CDK5RAP2: variants seen among roughly 807,000 people sequenced by gnomAD.
CDK5RAP2 encodes CDK5 regulatory subunit associated protein 2.
A neutral mutation model predicts 232.9 loss-of-function variants in CDK5RAP2; 147 were observed. The observed-to-expected ratio is 0.63, with a 90% CI of 0.55 to 0.72. CDK5RAP2 has a LOEUF of 0.72. CDK5RAP2 is among the 30% of genes least tolerant of loss of function. CDK5RAP2 has a pLI of 0.00. For synonymous variants in CDK5RAP2, 833 were observed against 833.7 expected, an observed-to-expected ratio of 1.00 and a Z score of 0.01; for missense variants, 2,195 against 2,231.5, an observed-to-expected ratio of 0.98 and a Z score of 0.33.
Position 120,419,835 on chromosome 9 carries a change from T to G in CDK5RAP2, c.4130A>C (p.Asp1377Ala), listed in dbSNP as rs1397568182. Residue 1377 changes from aspartate to alanine, a missense_variant, in exon 27 of 38, where the codon GAT becomes GCT. Asp to Ala is a moderately radical substitution (Grantham distance 126). Transcript: ENST00000349780. ...AACTGAAGTCTTCTCTGTCTCATTA[T>G]CTTGCTTCTGGTCTCGTGAGAAGAA... ...KSFFSRDQKQ[D>A]NETEKTSVMV... 15 of 1,613,956 alleles carry G rather than the reference T, an allele frequency of 9.3e-6. No homozygotes were observed. The highest frequency in any genetic ancestry group is 1.2e-5 in the Non-Finnish European group (14 of 1,179,914).
chr9:120,400,967 T>G (rs1014458166), intron 34 of CDK5RAP2, 82 bp from the exon 35 acceptor site: 2 of 1,503,040 alleles, frequency 1.3e-6, no homozygotes, highest in African/African-American at 1.4e-5. Context: ...AGTATAAATC[T>G]CCAGACTGTA....
At chr9:120,513,745 T>A (rs1039643478) in intron 12 of CDK5RAP2, among the ~76,000 whole-genome samples, 17 of 152,244 alleles carry the variant, frequency 1.1e-4, no homozygotes, top group Admixed American at 5.9e-4. Context: ...GTGTTCAATG[T>A]TGCTGAATGT....
At chr9:120,428,784 G>A (rs1288649959) in intron 25 of CDK5RAP2, among the ~76,000 whole-genome samples, 2 of 152,160 alleles carry the variant, frequency 1.3e-5, no homozygotes, top group South Asian at 4.1e-4. Context: ...TGATACCAAA[G>A]CCGGGCAGAG....
intron 32 of CDK5RAP2, chr9:120,406,724 C>A: frequency 4.4e-6 from 2 of 452,868 alleles, no homozygotes; most frequent in Admixed American, 3.7e-5. Context: ...GTGATGCAGG[C>A]AGGACTAAAT....
At position 120,403,036 on chromosome 9, in the gene CDK5RAP2, C is replaced by T. The variant is rs2033167488; in HGVS notation, c.5077G>A (p.Asp1693Asn). 6.2e-7 allele frequency: 1 copy of T among 1,614,158 alleles called. No homozygotes were observed. The highest frequency in any genetic ancestry group is 2.2e-5 in the East Asian group (1 of 44,884). ...ETPPLSGNDT[D>N]SLSCDSGSSA... ...CTGCCACTGTCGCAGGAGAGGGAGT[C>T]CGTGTCATTCCCAGAGAGTGGAGGA... The change falls in exon 34 of 38, where the codon GAC (aspartate) becomes AAC (asparagine). Residue 1693 changes from aspartate to asparagine, a missense_variant. Transcript: ENST00000349780. This position sits in a 1 kb window ranked among gnomAD's most constrained non-coding sequence, Gnocchi z 4.2.
intron 29 of CDK5RAP2, 131 bp downstream of exon 29, chr9:120,411,227 T>G: frequency 1.4e-6 from 1 of 732,212 alleles, no homozygotes; most frequent in African/African-American, 1.7e-5. Context: ...GCTGTGACAA[T>G]TAAATGGTGT....
At chr9:120,425,357 C>A (rs1446950943) in intron 25 of CDK5RAP2, among the ~76,000 whole-genome samples, 1 of 152,182 alleles carries the variant, frequency 6.6e-6, no homozygotes, top group Non-Finnish European at 1.5e-5. Flanking sequence ...GTGGAAACTG[C>A]CCTCACACAG....
intron 12 of CDK5RAP2, among the ~76,000 whole-genome samples, chr9:120,513,285 A>T (rs1404909208): frequency 6.6e-6 from 1 of 152,178 alleles, no homozygotes; most frequent in Non-Finnish European, 1.5e-5. Flanking sequence ...TCCTCTAGAC[A>T]TCCATCAGAC....
chr9:120,426,258 G>C (rs2034894636), intron 25 of CDK5RAP2, among the ~76,000 whole-genome samples: 1 of 152,196 alleles, frequency 6.6e-6, no homozygotes, highest in Non-Finnish European at 1.5e-5. Flanking sequence ...CAAGGTTATG[G>C]ATCATGACAG....
chr9:120,500,854 G>A (rs1042786967), intron 12 of CDK5RAP2, among the ~76,000 whole-genome samples: 1 of 152,136 alleles, frequency 6.6e-6, no homozygotes, highest in African/African-American at 2.4e-5. Flanking sequence ...TTTGCTGGCC[G>A]GTGACTGCTC....
intron 2 of CDK5RAP2, among the ~76,000 whole-genome samples, chr9:120,568,750 G>A (rs1360247196): frequency 3.9e-5 from 6 of 152,106 alleles, no homozygotes; most frequent in Non-Finnish European, 8.8e-5. Flanking sequence ...ACATCTAACT[G>A]ACTTGACAGC....
At position 120,460,567 on chromosome 9, in the gene CDK5RAP2, C is replaced by T. The variant is rs1464332802; in HGVS notation, c.2202+5G>A. On this transcript the variant is annotated splice_donor_5th_base_variant and intron_variant, in intron 19 of 37. Transcript: ENST00000349780. ...GAAATAAGGAGTTAACTGAAAGGTT[C>T]CTACCTCATTACTCTGCTGCAAATG... is the stretch of plus-strand genomic sequence containing the variant. 2.5e-6 allele frequency: 4 copies of T among 1,613,604 alleles called. No homozygotes were observed. In the Admixed American group the frequency reaches 6.7e-5, roughly 27 times the overall value.
chr9:120,445,378 T>C (rs912795715), intron 22 of CDK5RAP2, among the ~76,000 whole-genome samples: 4 of 152,190 alleles, frequency 2.6e-5, no homozygotes, highest in African/African-American at 9.7e-5. Flanking sequence ...CTGAATCCCT[T>C]GAGGTTCGGT....
At chr9:120,544,800 G>C (rs1399156692) in intron 5 of CDK5RAP2, among the ~76,000 whole-genome samples, 3 of 152,162 alleles carry the variant, frequency 2.0e-5, no homozygotes, top group African/African-American at 7.2e-5. Context: ...CTCCATCACT[G>C]TACCTTCCTG....
Position 120,491,435 on chromosome 9 carries a change from C to A in CDK5RAP2, c.1354G>T (p.Glu452Ter). ...EVEKLRNEVN[E>*]REKAMENRYK... Reference sequence around the variant, plus strand: ...CGATTTTCCATTGCTTTCTCTCTTTCATTCACTTCATTGCGTAATTTTTCA... The same window carrying A: ...CGATTTTCCATTGCTTTCTCTCTTTAATTCACTTCATTGCGTAATTTTTCA... The change falls in exon 13 of 38, where the codon GAA becomes TAA. Residue 452 changes from glutamate (E) to a stop codon, truncating the protein, a stop_gained. Coordinates refer to ENST00000349780, the MANE Select transcript of CDK5RAP2 (RefSeq NM_018249.6). LOFTEE classifies it high-confidence loss of function. The A allele has an allele frequency of 6.2e-7, 1 of 1,611,970 alleles. No individual in the cohort carries two copies. Among genetic ancestry groups the A allele is most frequent in the South Asian group, 1.1e-5 (1 of 91,016 alleles).
intron 18 of CDK5RAP2, among the ~76,000 whole-genome samples, chr9:120,465,692 G>C (rs2037339383): frequency 1.3e-5 from 2 of 148,876 alleles, no homozygotes; most frequent in Admixed American, 1.3e-4. Flanking sequence ...ACATATCTGG[G>C]AATCAACTCT....
At chr9:120,531,040 C>T (rs796863196) in intron 7 of CDK5RAP2, among the ~76,000 whole-genome samples, 29 of 152,078 alleles carry the variant, frequency 1.9e-4, no homozygotes, top group African/African-American at 5.3e-4. Flanking sequence ...AAATAAAAAA[C>T]GGTGAAACTC....
intron 26 of CDK5RAP2, among the ~76,000 whole-genome samples, 156 bp downstream of exon 26, chr9:120,422,537 T>C (rs1480697035): frequency 6.6e-6 from 1 of 152,250 alleles, no homozygotes; most frequent in Non-Finnish European, 1.5e-5. Context: ...CTCTTGGTTT[T>C]GTATGGCCAT....
intron 2 of CDK5RAP2, among the ~76,000 whole-genome samples, chr9:120,568,893 A>C (rs1564388653): frequency 6.6e-6 from 1 of 152,202 alleles, no homozygotes; most frequent in Non-Finnish European, 1.5e-5. Flanking sequence ...ACAATCCATA[A>C]ACAAAGTGGT....
Sources: gnomAD v4.1 joint callset for allele counts (sites outside exome capture counted in the v4.1 genomes callset) on GRCh38, gnomAD v4.1.1 for gene constraint, Gnocchi (gnomAD v3.1) non-coding constraint, MANE v1.5 for transcripts, NCBI Gene and HGNC (gene_info 2026-07-23, HGNC 2026-07-21) for gene names.